Variants in HSPG2 observed in about 807,000 individuals in gnomAD.
HSPG2 encodes basement membrane-specific heparan sulfate proteoglycan core protein.
In HSPG2, 278 loss-of-function variants were observed where a neutral mutation model predicts 526.6. That is an observed-to-expected ratio of 0.53 (90% CI 0.48 to 0.58). HSPG2 has a LOEUF of 0.58. HSPG2 is among the 20% of genes least tolerant of loss of function. HSPG2 has a pLI of 0.00. For missense variants in HSPG2, 5,354 were observed against 6,099.5 expected (o/e 0.88, Z 4.07); for synonymous variants, 2,465 against 2,555.4 (o/e 0.96, Z 1.07).
rs1310197317 is a variant in HSPG2 at position 21,898,426 on chromosome 1, C to G, written c.64-2116G>C. On this transcript the variant is annotated intron_variant, in intron 1 of 96. Coordinates refer to ENST00000374695, the MANE Select transcript of HSPG2 (RefSeq NM_005529.7). The surrounding 1 kb of genome is among the most constrained non-coding windows in gnomAD (Gnocchi z 4.0). ...TGGCCTGTGGACTTCTAGGCTGTGC[C>G]CGTGGGATGCGCATTCAGGAGTGTG... Among the ~76,000 whole-genome samples, 1 of 152,212 alleles carries G rather than the reference C, an allele frequency of 6.6e-6. No homozygotes were observed. The highest frequency in any genetic ancestry group is 6.5e-5 in the Admixed American group (1 of 15,282).
rs1297651096 is a variant in HSPG2, at chr1:21,853,539, C to T, written c.6440-469G>A. On this transcript the variant is annotated intron_variant, in intron 50 of 96. Coordinates refer to ENST00000374695, the MANE Select transcript of HSPG2 (RefSeq NM_005529.7). ...CGGTCGGATCACGAGGTCAGGAGAT[C>T]GAGACCATCCTGGCTAACACGGTGA... is the stretch of plus-strand genomic sequence containing the variant. 6 of 181,082 alleles carry T rather than the reference C, an allele frequency of 3.3e-5. No individual in the cohort carries two copies. The East Asian group carries it at 7.8e-4, about 24-fold the overall frequency. 11.2% of individuals were successfully genotyped at this position (181,082 alleles called of 1,614,324 possible).
At chr1:21,829,965 T>C in intron 86 of HSPG2, 28 bp downstream of exon 86, 1 of 1,569,336 alleles carries the variant, frequency 6.4e-7, no homozygotes, top group African/African-American at 1.3e-5. Context: ...ACTAGGACCC[T>C]GGGGGTCTCA....
intron 74 of HSPG2, among the ~76,000 whole-genome samples, chr1:21,837,375 G>C (rs1484834693): frequency 6.6e-6 from 1 of 152,174 alleles, no homozygotes; most frequent in Non-Finnish European, 1.5e-5. Context: ...CCACCTCCCG[G>C]GTTCAAGCGA....
chr1:21,827,646 T>G (rs1426127375), intron 91 of HSPG2, among the ~76,000 whole-genome samples: 1 of 152,220 alleles, frequency 6.6e-6, no homozygotes, highest in African/African-American at 2.4e-5. Context: ...AGGAGGAAAC[T>G]GAGGTCAGAG....
chr1:21,824,212 C>A lies in HSPG2; in HGVS notation c.12816-8G>T, dbSNP rs543798581. Reference sequence around the variant, plus strand: ...CCACTACCCAGCTGGTACCTGCAGTCATCCAGGCCCAAGAAGTATGAGCTG... The same window carrying A: ...CCACTACCCAGCTGGTACCTGCAGTAATCCAGGCCCAAGAAGTATGAGCTG... On this transcript the variant is annotated splice_polypyrimidine_tract_variant and splice_region_variant and intron_variant, in intron 94 of 96. Coordinates refer to ENST00000374695, the MANE Select transcript of HSPG2 (RefSeq NM_005529.7). This position sits in a 1 kb window ranked among gnomAD's most constrained non-coding sequence, Gnocchi z 5.9. 1 of 1,613,796 alleles carries A rather than the reference C, an allele frequency of 6.2e-7. No individual in the cohort carries two copies. The highest frequency in any genetic ancestry group is 1.7e-5 in the Admixed American group (1 of 60,020).
At chr1:21,835,820 C>T (rs1386144704) in intron 75 of HSPG2, among the ~76,000 whole-genome samples, 183 bp from the exon 76 acceptor site, 1 of 151,488 alleles carries the variant, frequency 6.6e-6, no homozygotes, top group Non-Finnish European at 1.5e-5. Flanking sequence ...CCTGTTTCTA[C>T]TAAACATACA....
rs1177182074 is a variant in HSPG2 at position 21,864,644 on chromosome 1, C to A, written c.4626+199G>T. ...CCGTGTGCCCTTGGGACACACTCAC[C>A]CCTCAGCACCTCTATTTTTTTACCT... On this transcript the variant is annotated intron_variant, in intron 36 of 96. Transcript: ENST00000374695. The surrounding 1 kb of genome is among the most constrained non-coding windows in gnomAD (Gnocchi z 4.8). Among the ~76,000 whole-genome samples the A allele has an allele frequency of 6.6e-6, 1 of 152,230 alleles. No homozygotes were observed. The highest frequency in any genetic ancestry group is 1.5e-5 in the Non-Finnish European group (1 of 68,038).
At chr1:21,841,411 T>C in intron 70 of HSPG2, 126 bp from the exon 71 acceptor site, 2 of 1,562,406 alleles carry the variant, frequency 1.3e-6, no homozygotes, top group East Asian at 2.3e-5. Flanking sequence ...AGGTGGAAAC[T>C]GAGGCTCAGA....
rs955968512 is a variant in HSPG2 at position 21,893,251 on chromosome 1, C to G, written c.245-2557G>C. ...GTGCTGGGGTGGACACAAGTGGCCT[C>G]TGGAATGCAGGGCCTGGTCCCTGCA... is the stretch of plus-strand genomic sequence containing the variant. On this transcript the variant is annotated intron_variant, in intron 3 of 96. Coordinates refer to ENST00000374695, the MANE Select transcript of HSPG2 (RefSeq NM_005529.7). This position sits in a 1 kb window ranked among gnomAD's most constrained non-coding sequence, Gnocchi z 4.3. Among the ~76,000 whole-genome samples, 1 of 152,188 alleles carries G rather than the reference C, an allele frequency of 6.6e-6. No homozygotes were observed. Among genetic ancestry groups the G allele is most frequent in the Non-Finnish European group, 1.5e-5 (1 of 68,026 alleles).
rs1346555537 is a variant in HSPG2, at chr1:21,884,817, C to A, written c.1457G>T (p.Gly486Val). The A allele has an allele frequency of 6.2e-7, 1 of 1,613,722 alleles. No homozygotes were observed. The highest frequency in any genetic ancestry group is 1.7e-5 in the Admixed American group (1 of 59,994). Residue 486 changes from glycine (G) to valine (V), a missense_variant, in exon 12 of 97, where the codon GGC becomes GTC. Coordinates refer to ENST00000374695, the MANE Select transcript of HSPG2 (RefSeq NM_005529.7). ...ACCGTCAGGAATGCCAAACACCATG[C>A]CCCGGGCGTTCATGGCCTCACAGGT... The part of the protein sequence containing the change: ...AYTCEAMNAR[G>V]MVFGIPDGVL...
intron 37 of HSPG2, 71 bp from the exon 38 acceptor site, chr1:21,862,186 C>G (rs1639842966): frequency 1.3e-6 from 2 of 1,555,222 alleles, no homozygotes; most frequent in Admixed American, 3.4e-5. Context: ...GGGTTGCAAT[C>G]CCTTGATCTA....
intron 81 of HSPG2, 143 bp from the exon 82 acceptor site, chr1:21,831,939 G>C (rs2098006176): frequency 1.4e-5 from 12 of 874,594 alleles, no homozygotes; most frequent in Non-Finnish European, 1.9e-5. Flanking sequence ...TCCCGTTCCT[G>C]TCCCTGTCTT....
Position 21,890,234 on chromosome 1 carries a change from T to C in HSPG2, c.414-93A>G, listed in dbSNP as rs1332029524. The C allele has an allele frequency of 5.3e-6, 8 of 1,502,700 alleles. No individual in the cohort carries two copies. Among genetic ancestry groups the C allele is most frequent in the East Asian group, 2.3e-5 (1 of 44,390 alleles). 93.1% of individuals were successfully genotyped at this position (1,502,700 alleles called of 1,614,324 possible). A position where few individuals can be genotyped will look rare whatever the true frequency, so the allele number is the denominator to read the frequency against. ...CTCCCGCCCCGACGCTCAGGCCCTGTTCCGGGACAGCCTGTACCCAAAGAA... is the reference window on the plus strand; with the variant it reads ...CTCCCGCCCCGACGCTCAGGCCCTGCTCCGGGACAGCCTGTACCCAAAGAA... On this transcript the variant is annotated intron_variant, in intron 5 of 96. Transcript: ENST00000374695. The surrounding 1 kb of genome is among the most constrained non-coding windows in gnomAD (Gnocchi z 4.1).
At chr1:21,838,747 C>G in intron 74 of HSPG2, 78 bp downstream of exon 74, 1 of 1,502,934 alleles carries the variant, frequency 6.7e-7, no homozygotes, top group South Asian at 1.2e-5. Flanking sequence ...GGCCTTCCCA[C>G]CCGAGTCTGC....
In HSPG2 at chr1:21,881,372, G is replaced by C. The variant is rs1287380192; in HGVS notation, c.1785C>G (p.Phe595Leu). Reference protein sequence around the residue: ...LSRRFLVHDSFWALPEQFLGN... With the variant: ...LSRRFLVHDSLWALPEQFLGN... ...CCAGGAACTGTTCAGGCAGAGCCCAGAAGGAGTCGTGGACGAGGAAGCGGC... is the reference window on the plus strand; with the variant it reads ...CCAGGAACTGTTCAGGCAGAGCCCACAAGGAGTCGTGGACGAGGAAGCGGC... Residue 595 changes from phenylalanine to leucine, a missense_variant, in exon 14 of 97, where the codon TTC becomes TTG. Physicochemically the swap from Phe to Leu is conservative, Grantham distance 22 (BLOSUM62 0). Transcript: ENST00000374695. 25 of 1,614,096 alleles carry C rather than the reference G, an allele frequency of 1.5e-5. No individual in the cohort carries two copies. In the Admixed American group the frequency reaches 4.0e-4, roughly 26 times the overall value.
In HSPG2 at chr1:21,884,570, C is replaced by T. The variant is rs369287337; in HGVS notation, c.1612G>A (p.Asp538Asn). 7.4e-6 allele frequency: 12 copies of T among 1,611,244 alleles called. No homozygotes were observed. The highest frequency in any genetic ancestry group is 1.0e-5 in the Non-Finnish European group (12 of 1,179,922). ...SVCQSTRRFR[D>N]QIRLRFDQPD... The stretch of plus-strand genomic sequence containing the variant: ...TGGTCAAAGCGCAGCCTGATCTGGT[C>T]CCGGAAGCGGCGGGTGCTCTGGCAC... Residue 538 changes from aspartate (D) to asparagine (N), a missense_variant, in exon 13 of 97, where the codon GAC becomes AAC. By Grantham distance (23) the Asp-to-Asn change is conservative. Transcript: ENST00000374695.
chr1:21,835,457 G>T, intron 76 of HSPG2, 83 bp downstream of exon 76: 1 of 899,240 alleles, frequency 1.1e-6, no homozygotes, highest in South Asian at 1.3e-5. Flanking sequence ...GATTCCTAGG[G>T]AACAGGGTCT....
intron 48 of HSPG2, 24 bp downstream of exon 48, chr1:21,854,824 C>A (rs1339348495): frequency 1.2e-6 from 2 of 1,613,272 alleles, no homozygotes; most frequent in South Asian, 2.2e-5. Flanking sequence ...CCTCCCCACC[C>A]CTCCATTCCC....
Position 21,898,759 on chromosome 1 carries a change from G to T in HSPG2, c.64-2449C>A, listed in dbSNP as rs1180843543. 6.6e-6 allele frequency among the ~76,000 whole-genome samples: 1 copy of T among 152,202 alleles called. No homozygotes were observed. Among genetic ancestry groups the T allele is most frequent in the Non-Finnish European group, 1.5e-5 (1 of 68,030 alleles). ...AGATTTGAGGGGTCCCCTCAACCTGGTGGGGGGCTCTGTCAATGCCAATCC... is the reference window on the plus strand; with the variant it reads ...AGATTTGAGGGGTCCCCTCAACCTGTTGGGGGGCTCTGTCAATGCCAATCC... On this transcript the variant is annotated intron_variant, in intron 1 of 96. Coordinates refer to ENST00000374695, the MANE Select transcript of HSPG2 (RefSeq NM_005529.7). This position sits in a 1 kb window ranked among gnomAD's most constrained non-coding sequence, Gnocchi z 4.0.
Sources: allele counts gnomAD v4.1 joint callset (sites outside exome capture counted in the v4.1 genomes callset), GRCh38; gene constraint gnomAD v4.1.1; non-coding constraint Gnocchi (gnomAD v3.1); transcripts MANE v1.5; gene names NCBI Gene and HGNC (gene_info 2026-07-23, HGNC 2026-07-21).